The following THAP5 variants were observed in gnomAD, a reference collection of about 807,000 sequenced individuals.
THAP5 encodes THAP domain containing 5.
In THAP5, 26 loss-of-function variants were observed where a neutral mutation model predicts 34.0. The ratio of observed to expected loss-of-function variants is 0.77; its 90% CI spans 0.56 to 1.06. The LOEUF (loss-of-function observed/expected upper bound fraction) is 1.06, where lower values mean the gene tolerates loss of function less well. Ranked by LOEUF, THAP5 falls within the 50% of genes least tolerant of loss-of-function variation. The pLI is 0.00. For synonymous variants in THAP5, 125 were observed against 153.0 expected, an observed-to-expected ratio of 0.82 and a Z score of 1.35; for missense variants, 394 against 452.8, an observed-to-expected ratio of 0.87 and a Z score of 1.18.
At chr7:108,548,061 C>G in the THAP5 span, among the ~76,000 whole-genome samples, 1 of 152,162 alleles carries the variant, frequency 6.6e-6, no homozygotes, top group Non-Finnish European at 1.5e-5. Context: ...GCTACTGCAC[C>G]TTTTCTAGGT....
chr7:108,564,043 C>T lies in THAP5; in HGVS notation c.*148G>A, dbSNP rs1241614923. On this transcript the variant is annotated 3_prime_UTR_variant, in exon 3 of 3. Coordinates refer to ENST00000415914, the MANE Select transcript of THAP5 (RefSeq NM_001130475.3). ...TCTGGTTTTTCTTAAATAAGTATTA[C>T]AAGAATAGGATACAGTTCATAACTT... 5.2e-6 allele frequency: 3 copies of T among 578,214 alleles called. No homozygotes were observed. The highest frequency in any genetic ancestry group is 4.9e-5 in the South Asian group (1 of 20,612). The allele number at this position is 578,214 out of a possible 1,614,324, so 35.8% of individuals were successfully genotyped here.
At position 108,565,931 on chromosome 7, in the gene THAP5, T is replaced by C. The variant is rs139972847; in HGVS notation, c.172A>G (p.Ser58Gly). 10 of 1,551,148 alleles carry C rather than the reference T, an allele frequency of 6.4e-6. No individual in the cohort carries two copies. In the East Asian group the frequency reaches 2.2e-4, roughly 34 times the overall value. ...WVPSKYQFLC[S>G]DHFTPDSLDI... The stretch of plus-strand genomic sequence containing the variant: ...AGAGAGTCAGGAGTAAAATGGTCAC[T>C]ACATAGAAACTGGTATTTACTGGGA... The change falls in exon 2 of 3, where the codon AGT becomes GGT. Residue 58 changes from serine to glycine, a missense_variant. By Grantham distance (56) the Ser-to-Gly change is moderately conservative (BLOSUM62 0). Transcript: ENST00000415914.
At chr7:108,556,414 T>C (rs1385992582) in intron 1 of THAP5, among the ~76,000 whole-genome samples, 2 of 152,214 alleles carry the variant, frequency 1.3e-5, no homozygotes, top group Non-Finnish European at 1.5e-5. Flanking sequence ...AAGTCATTTA[T>C]TTCCAAGCTA....
the THAP5 span, among the ~76,000 whole-genome samples, chr7:108,542,096 T>C: frequency 6.6e-6 from 1 of 152,230 alleles, no homozygotes; most frequent in Non-Finnish European, 1.5e-5. Context: ...GCAAGAACTT[T>C]CATAGTTTGT....
rs1790438690 is a variant in THAP5, at chr7:108,564,504, T to C, written c.875A>G (p.Gln292Arg). Residue 292 changes from glutamine (Q) to arginine (R), a missense_variant, in exon 3 of 3, where the codon CAA (glutamine) becomes CGA (arginine). By Grantham distance (43) the Gln-to-Arg change is conservative. Coordinates refer to ENST00000415914, the MANE Select transcript of THAP5 (RefSeq NM_001130475.3). ...GTCTTCCATTTCCGTGGTTTCTTTT[T>C]GTGCAGATATAAAAGAATTAACTGA... ...KPSVNSFISA[Q>R]KETTEMEDTD... 6.2e-7 allele frequency: 1 copy of C among 1,613,862 alleles called. No individual in the cohort carries two copies. Among genetic ancestry groups the C allele is most frequent in the African/African-American group, 1.3e-5 (1 of 74,932 alleles).
intron 2 of THAP5, 27 bp downstream of exon 2, chr7:108,565,803 C>G (rs1295377624): frequency 2.0e-6 from 3 of 1,510,780 alleles, no homozygotes; most frequent in Non-Finnish European, 2.7e-6. Context: ...CTCTGCTCAG[C>G]ATTACCCCTC....
chr7:108,569,689 G>T lies in THAP5; in HGVS notation c.-120C>A. On this transcript the variant is annotated 5_prime_UTR_variant, in exon 1 of 3. Transcript: ENST00000415914. ...CCTGCGCCTGCGCTAGCATTCTGCC[G>T]GGAAAGCCGCCTCGTCTGTCGACTC... 3.0e-6 allele frequency: 4 copies of T among 1,336,342 alleles called. No individual in the cohort carries two copies. Among genetic ancestry groups the T allele is most frequent in the South Asian group, 2.6e-5 (2 of 77,872 alleles). 82.8% of individuals were successfully genotyped at this position (1,336,342 alleles called of 1,614,324 possible).
At chr7:108,551,376 C>T (rs1864352609), downstream of THAP5, among the ~76,000 whole-genome samples, 1 of 152,166 alleles carries the variant, frequency 6.6e-6, no homozygotes, top group South Asian at 2.1e-4. Flanking sequence ...AATGTGTTCC[C>T]TCTCTTTCAC....
rs534007097 is a variant in THAP5, at chr7:108,569,478, G to A, written c.80+12C>T. On this transcript the variant is annotated intron_variant, in intron 1 of 2. Transcript: ENST00000415914. ...CGGCGAGGCTGACGCTTCTGCTCCA[G>A]AAACAACTTACGGATAAAAACTCAG... The A allele has an allele frequency of 2.6e-5, 40 of 1,551,676 alleles. No homozygotes were observed. In the South Asian group the frequency reaches 4.6e-4, roughly 18 times the overall value.
At chr7:108,545,964 A>AG in the THAP5 span, among the ~76,000 whole-genome samples, 1 of 152,148 alleles carries the variant, frequency 6.6e-6, no homozygotes, top group South Asian at 2.1e-4. Context: ...AAATGGATAG[A>AG]GTTGAGATAC....
downstream of THAP5, among the ~76,000 whole-genome samples, chr7:108,551,017 T>A (rs1393745417): frequency 1.3e-5 from 2 of 152,232 alleles, no homozygotes; most frequent in African/African-American, 2.4e-5. Context: ...TATAACATTT[T>A]AAATTACTAG....
downstream of THAP5, among the ~76,000 whole-genome samples, chr7:108,550,627 A>C (rs1864347699): frequency 2.0e-5 from 3 of 152,216 alleles, no homozygotes; most frequent in Admixed American, 6.5e-5. Context: ...AGGTATCAGT[A>C]AGTTTGGTTT....
At chr7:108,561,976 T>C (rs1236119623), downstream of THAP5, among the ~76,000 whole-genome samples, 3 of 152,184 alleles carry the variant, frequency 2.0e-5, no homozygotes, top group African/African-American at 4.8e-5. Context: ...AAGGGTACTG[T>C]TTTTCAGATT....
chr7:108,554,140 T>C (rs902423172), downstream of THAP5, among the ~76,000 whole-genome samples: 1 of 152,148 alleles, frequency 6.6e-6, no homozygotes, highest in Non-Finnish European at 1.5e-5. Flanking sequence ...TGCCTTCATC[T>C]TGGACTTTCT....
chr7:108,543,479 G>A, the THAP5 span, among the ~76,000 whole-genome samples: 1 of 152,184 alleles, frequency 6.6e-6, no homozygotes, highest in Non-Finnish European at 1.5e-5. Flanking sequence ...AGTAAGGCAT[G>A]CTTAGCCAGG....
At chr7:108,561,988 T>C (rs1007412541), downstream of THAP5, among the ~76,000 whole-genome samples, 10 of 152,214 alleles carry the variant, frequency 6.6e-5, no homozygotes, top group African/African-American at 2.4e-4. Flanking sequence ...TTTCAGATTT[T>C]GAAATATCTG....
At chr7:108,546,419 T>C in the THAP5 span, among the ~76,000 whole-genome samples, 1 of 152,106 alleles carries the variant, frequency 6.6e-6, no homozygotes, top group African/African-American at 2.4e-5. Flanking sequence ...CTGGAACAGG[T>C]GATATTTGAA....
At chr7:108,557,871 A>T (rs979817407), downstream of THAP5, among the ~76,000 whole-genome samples, 1 of 152,112 alleles carries the variant, frequency 6.6e-6, no homozygotes, top group African/African-American at 2.4e-5. Context: ...ACTACCTAAG[A>T]CTGGTTAATT....
At chr7:108,546,896 T>C in the THAP5 span, among the ~76,000 whole-genome samples, 1 of 152,204 alleles carries the variant, frequency 6.6e-6, no homozygotes, top group Non-Finnish European at 1.5e-5. Flanking sequence ...GCATTGGTAA[T>C]AAAATAAATC....
Sources: gnomAD v4.1 joint callset for allele counts (sites outside exome capture counted in the v4.1 genomes callset) on GRCh38, gnomAD v4.1.1 for gene constraint, MANE v1.5 for transcripts, NCBI Gene and HGNC (gene_info 2026-07-23, HGNC 2026-07-21) for gene names.